MIEF2: variants seen among roughly 807,000 people sequenced by gnomAD.
MIEF2 encodes the protein mitochondrial dynamics protein MID49.
In MIEF2, 1 loss-of-function variant was observed where a neutral mutation model predicts 7.4. The observed-to-expected ratio is 0.14, with a 90% CI of 0.05 to 0.64. The LOEUF is 0.64. Ranked by LOEUF, MIEF2 falls within the 30% of genes least tolerant of loss-of-function variation. The pLI is 0.85. For synonymous variants in MIEF2, 275 were observed against 290.5 expected, an observed-to-expected ratio of 0.95 and a Z score of 0.54; for missense variants, 569 against 623.9, an observed-to-expected ratio of 0.91 and a Z score of 0.94.
Position 18,263,899 on chromosome 17 carries a change from A to G in MIEF2, c.500A>G (p.Lys167Arg). 6.2e-7 allele frequency: 1 copy of G among 1,602,068 alleles called. No individual in the cohort carries two copies. Among genetic ancestry groups the G allele is most frequent in the Non-Finnish European group, 8.5e-7 (1 of 1,179,678 alleles). The change falls in exon 4 of 4, where the codon AAG becomes AGG. Residue 167 changes from lysine to arginine, a missense_variant. Physicochemically the swap from Lys to Arg is conservative, Grantham distance 26. Coordinates refer to ENST00000323019, the MANE Select transcript of MIEF2 (RefSeq NM_139162.4). ...GAGCTGCAGGCCTACTTTCGGAGCAAGTTCCCGGAACTGCCCTTTGGGGCA... is the reference window on the plus strand; with the variant it reads ...GAGCTGCAGGCCTACTTTCGGAGCAGGTTCCCGGAACTGCCCTTTGGGGCA... ...ALELQAYFRS[K>R]FPELPFGAFV...
chr17:18,265,941 C>G lies in MIEF2; in HGVS notation c.*1177C>G, dbSNP rs892528033. On this transcript the variant is annotated 3_prime_UTR_variant, in exon 4 of 4. Coordinates refer to ENST00000323019, the MANE Select transcript of MIEF2 (RefSeq NM_139162.4). ...GTAGCATCTTGGCCGGGTGTGGTGGCTCGCATCTGTAATCCCAGCACATCG... is the reference window on the plus strand; with the variant it reads ...GTAGCATCTTGGCCGGGTGTGGTGGGTCGCATCTGTAATCCCAGCACATCG... 1.3e-5 allele frequency: 2 copies of G among 152,208 alleles called. No homozygotes were observed. The highest frequency in any genetic ancestry group is 4.8e-5 in the African/African-American group (2 of 41,440). The allele number at this position is 152,208 out of a possible 1,614,324, so 9.4% of individuals were successfully genotyped here.
In MIEF2 at chr17:18,264,554, G is replaced by C; in HGVS notation, c.1155G>C (p.Leu385=). The part of the protein sequence containing the change: ...RGHLTQVVLR[L]GEDNVDWTEE... ...ACCTGACCCAGGTGGTCCTGCGTCT[G>C]GGGGAGGACAACGTGGATTGGACGG... is the stretch of plus-strand genomic sequence containing the variant. Residue 385 remains leucine (L), a synonymous_variant, in exon 4 of 4, where the codon CTG becomes CTC. Transcript: ENST00000323019. The C allele has an allele frequency of 6.2e-7, 1 of 1,610,696 alleles. No homozygotes were observed. The highest frequency in any genetic ancestry group is 8.5e-7 in the Non-Finnish European group (1 of 1,179,928).
intron 1 of MIEF2, among the ~76,000 whole-genome samples, chr17:18,261,525 T>C (rs1275665322): frequency 1.3e-5 from 2 of 152,182 alleles, no homozygotes; most frequent in African/African-American, 4.8e-5. Flanking sequence ...AGAGTTCTGC[T>C]TGGTGTCTAA....
intron 3 of MIEF2, 35 bp downstream of exon 3, chr17:18,263,283 A>G (rs1978525863): frequency 8.7e-6 from 14 of 1,613,240 alleles, no homozygotes; most frequent in Non-Finnish European, 1.2e-5. Flanking sequence ...TTGGTGTCAC[A>G]TTCAAGAGAC....
Position 18,264,032 on chromosome 17 carries a change from G to A in MIEF2, c.633G>A (p.Pro211=), listed in dbSNP as rs372335713. The change falls in exon 4 of 4, where the codon CCG becomes CCA. Residue 211 remains proline, a synonymous_variant. Transcript: ENST00000323019. The part of the protein sequence containing the change: ...VLEPGLWSLV[P]GVDTVARDPR... ...AGCCGGGCCTGTGGAGCCTGGTGCC[G>A]GGCGTGGACACTGTGGCGAGGGACC... 1.7e-4 allele frequency: 257 copies of A among 1,555,804 alleles called. No individual in the cohort carries two copies. Among genetic ancestry groups the A allele is most frequent in the Non-Finnish European group, 2.1e-4 (244 of 1,154,304 alleles).
rs1190744958 is a variant in MIEF2, at chr17:18,263,229, C to T, written c.291C>T (p.Ala97=). ...AALSQPVLPL[A]PSSSAPEGPA... ...TTAGCCAGCCAGTGTTGCCCTTGGC[C>T]CCCTCGTCGTCTGCCCCAGGTGAGT... The change falls in exon 3 of 4, where the codon GCC becomes GCT. Residue 97 remains alanine, a synonymous_variant. Coordinates refer to ENST00000323019, the MANE Select transcript of MIEF2 (RefSeq NM_139162.4). 31 of 1,613,716 alleles carry T rather than the reference C, an allele frequency of 1.9e-5. No individual in the cohort carries two copies. The highest frequency in any genetic ancestry group is 2.6e-5 in the Non-Finnish European group (31 of 1,180,048).
intron 1 of MIEF2, chr17:18,260,981 C>T: frequency 3.3e-6 from 3 of 897,728 alleles, no homozygotes; most frequent in Non-Finnish European, 5.2e-6. Context: ...CTGCTCCGCC[C>T]GGGCCCAGGG....
In MIEF2 at chr17:18,264,232, T is replaced by G; in HGVS notation, c.833T>G (p.Leu278Arg). Residue 278 changes from leucine to arginine, a missense_variant, in exon 4 of 4, where the codon CTG (leucine) becomes CGG (arginine). By Grantham distance (102) the Leu-to-Arg change is moderately radical. Coordinates refer to ENST00000323019, the MANE Select transcript of MIEF2 (RefSeq NM_139162.4). The stretch of plus-strand genomic sequence containing the variant: ...GCCATTGGCAGCCTTCTCGGGTGCC[T>G]GATCCGGCCCAGCATGGCCTCGGAG... ...WPAIGSLLGCLIRPSMASEEL... is the reference protein window; with the variant it reads ...WPAIGSLLGCRIRPSMASEEL... 1 of 1,603,618 alleles carries G rather than the reference T, an allele frequency of 6.2e-7. No homozygotes were observed. Among genetic ancestry groups the G allele is most frequent in the Non-Finnish European group, 8.5e-7 (1 of 1,179,632 alleles).
intron 3 of MIEF2, 67 bp downstream of exon 3, chr17:18,263,315 C>T (rs1002490480): frequency 6.2e-7 from 1 of 1,601,728 alleles, no homozygotes; most frequent in African/African-American, 1.3e-5. Flanking sequence ...TTTGCCCTGA[C>T]TGACTGTGTG....
Position 18,263,831 on chromosome 17 carries a change from C to T in MIEF2, c.432C>T (p.Ala144=). ...GGGACCGTGTGACCATCCCAGCAGCCCAGGTGGCTTTGGCCAAACAGCTGG... is the reference window on the plus strand; with the variant it reads ...GGGACCGTGTGACCATCCCAGCAGCTCAGGTGGCTTTGGCCAAACAGCTGG... ...FERDRVTIPA[A]QVALAKQLAG... The change falls in exon 4 of 4, where the codon GCC becomes GCT. Residue 144 remains alanine, a synonymous_variant. Transcript: ENST00000323019. 1 of 1,607,876 alleles carries T rather than the reference C, an allele frequency of 6.2e-7. No individual in the cohort carries two copies. The highest frequency in any genetic ancestry group is 8.5e-7 in the Non-Finnish European group (1 of 1,179,978).
At position 18,264,546 on chromosome 17, in the gene MIEF2, C is replaced by T. The variant is rs1177749611; in HGVS notation, c.1147C>T (p.Leu383=). 9 of 1,610,612 alleles carry T rather than the reference C, an allele frequency of 5.6e-6. No individual in the cohort carries two copies. The highest frequency in any genetic ancestry group is 1.7e-4 in the Middle Eastern group (1 of 6,058). ...LGRGHLTQVV[L]RLGEDNVDWT... ...CCGGGGTCACCTGACCCAGGTGGTC[C>T]TGCGTCTGGGGGAGGACAACGTGGA... Residue 383 remains leucine, a synonymous_variant, in exon 4 of 4, where the codon CTG becomes TTG. Coordinates refer to ENST00000323019, the MANE Select transcript of MIEF2 (RefSeq NM_139162.4).
In MIEF2 at chr17:18,263,424, G is replaced by A. The variant is rs568030886; in HGVS notation, c.310+176G>A. 460 of 988,952 alleles carry A rather than the reference G, an allele frequency of 4.7e-4. 2 individuals are homozygous for A. The highest frequency in any genetic ancestry group is 1.5e-3 in the African/African-American group (92 of 62,378). 61.3% of individuals were successfully genotyped at this position (988,952 alleles called of 1,614,324 possible). A position where few individuals can be genotyped will look rare whatever the true frequency, so the allele number is the denominator to read the frequency against. On this transcript the variant is annotated intron_variant, in intron 3 of 3. Transcript: ENST00000323019. ...CCTGTTCCTGGAGCAAGGTGGTAGC[G>A]TTGTGATGGTGGGGAGCTTTAGATG...
rs748909513 is a variant in MIEF2, at chr17:18,263,094, C to T, written c.156C>T (p.Asp52=). 3 of 1,613,170 alleles carry T rather than the reference C, an allele frequency of 1.9e-6. No homozygotes were observed. In the South Asian group the frequency reaches 3.3e-5, roughly 18 times the overall value. Residue 52 remains aspartate (D), a synonymous_variant, in exon 3 of 4, where the codon GAC becomes GAT. Transcript: ENST00000323019. ...IATLAVKRFI[D]RATSPRDEDD... is the part of the protein sequence containing the mutation. ...TGTGACTGTGCTTGCAGTTCATTGA[C>T]AGGGCCACTAGCCCGCGGGATGAGG...
Position 18,263,743 on chromosome 17 carries a change from C to T in MIEF2, c.344C>T (p.Pro115Leu). ...GPAETDPEVT[P>L]QLSSPAPLCL... ...GCAGAAACTGATCCTGAGGTGACAC[C>T]ACAGCTCAGCTCCCCAGCACCGCTG... The change falls in exon 4 of 4, where the codon CCA becomes CTA. Residue 115 changes from proline to leucine, a missense_variant. Physicochemically the swap from Pro to Leu is moderately conservative, Grantham distance 98 (BLOSUM62 -3). Coordinates refer to ENST00000323019, the MANE Select transcript of MIEF2 (RefSeq NM_139162.4). 6.3e-7 allele frequency: 1 copy of T among 1,597,492 alleles called. No individual in the cohort carries two copies.
At position 18,265,509 on chromosome 17, in the gene MIEF2, G is replaced by A. The variant is rs1315123960; in HGVS notation, c.*745G>A. The A allele has an allele frequency of 6.6e-6, 1 of 152,278 alleles. No individual in the cohort carries two copies. The highest frequency in any genetic ancestry group is 1.5e-5 in the Non-Finnish European group (1 of 68,106). 9.4% of individuals were successfully genotyped at this position (152,278 alleles called of 1,614,324 possible). ...GGGCATCTCACTGGAGCTGTTCCAG[G>A]CCCCACTGGAGAGCAGAGGACCTGA... On this transcript the variant is annotated 3_prime_UTR_variant, in exon 4 of 4. Transcript: ENST00000323019.
At chr17:18,262,407 G>A (rs1978462344) in intron 1 of MIEF2, among the ~76,000 whole-genome samples, 1 of 152,198 alleles carries the variant, frequency 6.6e-6, no homozygotes. Context: ...TTTCCAGGCA[G>A]CTTTGGGAGA....
In MIEF2 at chr17:18,264,585, G is replaced by A. The variant is rs376241448; in HGVS notation, c.1186G>A (p.Ala396Thr). The change falls in exon 4 of 4, where the codon GCC becomes ACC. Residue 396 changes from alanine to threonine, a missense_variant. Transcript: ENST00000323019. ...GGACAACGTGGATTGGACGGAGGAG[G>A]CCTTGGGTGAGCGCTTCCTGCAAGC... ...GEDNVDWTEEALGERFLQALE... is the reference protein window; with the variant it reads ...GEDNVDWTEETLGERFLQALE... 15 of 1,610,812 alleles carry A rather than the reference G, an allele frequency of 9.3e-6. No individual in the cohort carries two copies. The highest frequency in any genetic ancestry group is 1.3e-5 in the Non-Finnish European group (15 of 1,180,022).
In MIEF2 at chr17:18,265,462, C is replaced by G. The variant is rs1267234570; in HGVS notation, c.*698C>G. ...GTCCTGGGGGAGCTGAGGCTCTGTG[C>G]TGCACCCCCAGCCCACAGCTGGGGC... On this transcript the variant is annotated 3_prime_UTR_variant, in exon 4 of 4. Coordinates refer to ENST00000323019, the MANE Select transcript of MIEF2 (RefSeq NM_139162.4). The G allele has an allele frequency of 2.0e-5, 3 of 152,390 alleles. No individual in the cohort carries two copies. The highest frequency in any genetic ancestry group is 2.9e-5 in the Non-Finnish European group (2 of 68,174). 9.4% of individuals were successfully genotyped at this position (152,390 alleles called of 1,614,324 possible). A position where few individuals can be genotyped will look rare whatever the true frequency, so the allele number is the denominator to read the frequency against.
rs1978730271 is a variant in MIEF2, at chr17:18,266,009, C to T, written c.*1245C>T. On this transcript the variant is annotated 3_prime_UTR_variant, in exon 4 of 4. Coordinates refer to ENST00000323019, the MANE Select transcript of MIEF2 (RefSeq NM_139162.4). ...GATCACGAGGTCAAGAGATCGAGAC[C>T]ATCCTGACCAACATGATGAAACCCC... is the stretch of plus-strand genomic sequence containing the variant. The T allele has an allele frequency of 6.6e-6, 1 of 151,886 alleles. No homozygotes were observed. Among genetic ancestry groups the T allele is most frequent in the Non-Finnish European group, 1.5e-5 (1 of 67,928 alleles). The allele number at this position is 151,886 out of a possible 1,614,324, so 9.4% of individuals were successfully genotyped here. A position where few individuals can be genotyped will look rare whatever the true frequency, so the allele number is the denominator to read the frequency against.
Sources: gnomAD v4.1 joint callset for allele counts (sites outside exome capture counted in the v4.1 genomes callset) on GRCh38, gnomAD v4.1.1 for gene constraint, MANE v1.5 for transcripts, NCBI Gene and HGNC (gene_info 2026-07-23, HGNC 2026-07-21) for gene names.